The following FHIT variants were observed in gnomAD, a reference collection of about 807,000 sequenced individuals.
FHIT encodes the protein bis(5'-adenosyl)-triphosphatase.
Under a neutral mutation model 17.9 loss-of-function variants are expected in FHIT, and 19 were observed. The ratio of observed to expected loss-of-function variants is 1.06; its 90% CI spans 0.74 to 1.56. FHIT has a LOEUF of 1.56. FHIT is among the 40% of genes most tolerant of loss of function. FHIT has a pLI of 0.00. For missense variants in FHIT, 248 were observed against 189.2 expected, an observed-to-expected ratio of 1.31 and a Z score of -1.82; for synonymous variants, 81 against 69.7, an observed-to-expected ratio of 1.16 and a Z score of -0.81.
chr3:60,489,614 C>A (rs1266931691), intron 5 of FHIT, among the ~76,000 whole-genome samples: 3 of 152,150 alleles, frequency 2.0e-5, no homozygotes, highest in Admixed American at 6.6e-5. Flanking sequence ...CACTACAATA[C>A]CAATAAGAAC....
chr3:60,351,887 C>G (rs535581215), intron 5 of FHIT, among the ~76,000 whole-genome samples: 2 of 152,172 alleles, frequency 1.3e-5, no homozygotes, highest in Non-Finnish European at 2.9e-5. Flanking sequence ...CCCCTGTGCC[C>G]TCTAAAGATT....
intron 5 of FHIT, among the ~76,000 whole-genome samples, chr3:60,096,346 G>A (rs2107119129): frequency 6.6e-6 from 1 of 152,318 alleles, no homozygotes; most frequent in African/African-American, 2.4e-5. Context: ...GGCTTTTATA[G>A]GCTCAGAATA....
Position 61,072,664 on chromosome 3 carries a change from C to T in FHIT, c.-163-30565G>A, listed in dbSNP as rs75141397. On this transcript the variant is annotated intron_variant, in intron 2 of 9. Transcript: ENST00000492590. ...TGATAATGTTGTTGCTGAATTCTGG[C>T]ATGGCCCTATTTTTTTTATTTATAT... 1.2e-4 allele frequency among the ~76,000 whole-genome samples: 19 copies of T among 152,172 alleles called. No individual in the cohort carries two copies. In the East Asian group the frequency reaches 3.7e-3, roughly 29 times the overall value.
chr3:60,647,160 G>A (rs1553686967), intron 4 of FHIT, among the ~76,000 whole-genome samples: 1 of 152,154 alleles, frequency 6.6e-6, no homozygotes, highest in African/African-American at 2.4e-5. Flanking sequence ...TTGTGGAAAG[G>A]CATGGGAGAG....
At chr3:60,370,902 TTCACATTGCTTTTGTGCC>T (rs1197851739) in intron 5 of FHIT, among the ~76,000 whole-genome samples, 1 of 152,218 alleles carries the variant, frequency 6.6e-6, no homozygotes, top group Non-Finnish European at 1.5e-5. Flanking sequence ...TAGAAAAAAG[TTCACATTGCTTTTGTGCC>T]TCTCACTGCC....
At chr3:59,782,006 G>A (rs1278351435) in intron 8 of FHIT, among the ~76,000 whole-genome samples, 2 of 152,110 alleles carry the variant, frequency 1.3e-5, no homozygotes, top group African/African-American at 4.8e-5. Flanking sequence ...AGATGTCTCA[G>A]GGAGGAACAC....
intron 5 of FHIT, among the ~76,000 whole-genome samples, chr3:60,328,623 G>A (rs979930332): frequency 2.0e-5 from 3 of 152,154 alleles, no homozygotes; most frequent in African/African-American, 4.8e-5. Flanking sequence ...GGATAGATTT[G>A]GGGGGGACAC....
chr3:60,156,875 G>A (rs1700721286), intron 5 of FHIT, among the ~76,000 whole-genome samples: 1 of 152,092 alleles, frequency 6.6e-6, no homozygotes, highest in African/African-American at 2.4e-5. Context: ...CAAAAGTAAT[G>A]CTGGGTCTTA....
intron 3 of FHIT, among the ~76,000 whole-genome samples, chr3:60,968,690 C>T (rs1028080867): frequency 3.9e-5 from 6 of 152,120 alleles, no homozygotes; most frequent in African/African-American, 1.4e-4. Flanking sequence ...GGAATACAGG[C>T]CGCCCTGCCC....
At chr3:61,221,191 GGC>G (rs1331236340) in intron 1 of FHIT, among the ~76,000 whole-genome samples, 1 of 152,232 alleles carries the variant, frequency 6.6e-6, no homozygotes, top group Non-Finnish European at 1.5e-5. Flanking sequence ...AAGGTGCCAT[GGC>G]TAGTCTAACC....
chr3:59,754,429 C>T (rs756945126), intron 8 of FHIT, among the ~76,000 whole-genome samples: 8 of 152,220 alleles, frequency 5.3e-5, no homozygotes, highest in South Asian at 2.1e-4. Context: ...GCAAGGCAAA[C>T]GGGATTGCTA....
intron 5 of FHIT, among the ~76,000 whole-genome samples, chr3:60,143,134 G>C (rs566706841): frequency 6.6e-6 from 1 of 152,226 alleles, no homozygotes; most frequent in South Asian, 2.1e-4. Flanking sequence ...TTTTGTTAGA[G>C]GCCGAGAACA....
At chr3:59,808,466 A>G (rs1170638310) in intron 8 of FHIT, among the ~76,000 whole-genome samples, 1 of 152,164 alleles carries the variant, frequency 6.6e-6, no homozygotes, top group African/African-American at 2.4e-5. Context: ...TCTGCCAGTG[A>G]TGACCAGTCT....
At chr3:60,635,947 C>T (rs978822377) in intron 4 of FHIT, among the ~76,000 whole-genome samples, 2 of 152,148 alleles carry the variant, frequency 1.3e-5, no homozygotes, top group East Asian at 3.8e-4. Context: ...ACACAGGCCA[C>T]AGCTGAATTT....
chr3:60,239,091 A>G (rs1447433529), intron 5 of FHIT, among the ~76,000 whole-genome samples: 2 of 152,176 alleles, frequency 1.3e-5, no homozygotes, highest in Non-Finnish European at 2.9e-5. Context: ...TGTGAGCAAA[A>G]GGTCAAATTA....
intron 2 of FHIT, among the ~76,000 whole-genome samples, chr3:61,083,449 G>C (rs1041635083): frequency 1.3e-5 from 2 of 152,190 alleles, no homozygotes; most frequent in African/African-American, 2.4e-5. Flanking sequence ...AATTAGCCGG[G>C]CGAAGTGGCG....
chr3:60,175,889 A>T (rs1407079902), intron 5 of FHIT, among the ~76,000 whole-genome samples: 3 of 152,188 alleles, frequency 2.0e-5, no homozygotes, highest in Non-Finnish European at 2.9e-5. Context: ...AGTCTGAAGT[A>T]GCACACTCTA....
intron 4 of FHIT, among the ~76,000 whole-genome samples, chr3:60,775,195 A>G (rs1700179483): frequency 6.6e-6 from 1 of 152,200 alleles, no homozygotes; most frequent in African/African-American, 2.4e-5. Context: ...CCCCTGATAG[A>G]GGAAGAAACC....
chr3:59,943,968 T>C (rs781188368), intron 7 of FHIT, among the ~76,000 whole-genome samples: 4 of 152,322 alleles, frequency 2.6e-5, no homozygotes, highest in East Asian at 1.9e-4. Flanking sequence ...TCATAGTTTT[T>C]CCCTGACAAT....
Sources: allele counts gnomAD v4.1 joint callset (sites outside exome capture counted in the v4.1 genomes callset), GRCh38; gene constraint gnomAD v4.1.1; transcripts MANE v1.5; gene names NCBI Gene and HGNC (gene_info 2026-07-23, HGNC 2026-07-21).